METTL15: variants seen among roughly 807,000 people sequenced by gnomAD.
METTL15 encodes 12S rRNA N(4)-cytidine methyltransferase METTL15.
In METTL15, 34 loss-of-function variants were observed where a neutral mutation model predicts 38.3. The ratio of observed to expected loss-of-function variants is 0.89; its 90% CI spans 0.68 to 1.18. METTL15 has a LOEUF of 1.18. Ranked by LOEUF, METTL15 falls within the 50% of genes most tolerant of loss-of-function variation. METTL15 has a pLI of 0.00. For missense variants in METTL15, 438 were observed against 498.4 expected, an observed-to-expected ratio of 0.88 and a Z score of 1.15; for synonymous variants, 162 against 170.9, an observed-to-expected ratio of 0.95 and a Z score of 0.41.
chr11:28,299,327 T>TG (rs745794400), intron 6 of METTL15, among the ~76,000 whole-genome samples: 10 of 152,086 alleles, frequency 6.6e-5, no homozygotes, highest in Non-Finnish European at 1.3e-4. Flanking sequence ...ATTTTAGTCT[T>TG]TTATAATTGC....
intron 6 of METTL15, among the ~76,000 whole-genome samples, chr11:28,449,261 C>G (rs1455855106): frequency 6.6e-6 from 1 of 152,092 alleles, no homozygotes; most frequent in African/African-American, 2.4e-5. Context: ...AAATTTTTAG[C>G]TATAATGATA....
At chr11:28,431,790 T>TA (rs869087503) in intron 6 of METTL15, among the ~76,000 whole-genome samples, 7 of 71,456 alleles carry the variant, frequency 9.8e-5, no homozygotes, top group African/African-American at 4.1e-4. Flanking sequence ...AAAATAAATT[T>TA]AAAAAAAAAA....
chr11:28,298,828 T>A (rs1856823379), intron 6 of METTL15, among the ~76,000 whole-genome samples: 1 of 152,098 alleles, frequency 6.6e-6, no homozygotes, highest in Non-Finnish European at 1.5e-5. Context: ...ATAATATGAA[T>A]TTTTAGAAAA....
chr11:28,392,206 T>C (rs1188266314), intron 5 of METTL15, among the ~76,000 whole-genome samples: 1 of 151,898 alleles, frequency 6.6e-6, no homozygotes, highest in East Asian at 1.9e-4. Flanking sequence ...AAAAGACATA[T>C]GAAAAACAAT....
At chr11:28,350,931 C>A (rs1277812458) in intron 3 of METTL15, among the ~76,000 whole-genome samples, 1 of 152,122 alleles carries the variant, frequency 6.6e-6, no homozygotes, top group African/African-American at 2.4e-5. Context: ...TACCAAGCAA[C>A]TTTTCAGAGC....
chr11:28,217,029 C>T lies in METTL15; in HGVS notation c.407+5831C>T, dbSNP rs1385944862. On this transcript the variant is annotated intron_variant, in intron 4 of 6. Transcript: ENST00000407364. ...TAGTGCCACAATAAACATACGTGTG[C>T]ATGTGTCTTTATAGCAGCATGATTT... 2.6e-5 allele frequency among the ~76,000 whole-genome samples: 4 copies of T among 152,048 alleles called. No individual in the cohort carries two copies. In the East Asian group the frequency reaches 5.8e-4, roughly 22 times the overall value.
intron 3 of METTL15, among the ~76,000 whole-genome samples, chr11:28,185,706 C>G (rs1851468886): frequency 6.6e-6 from 1 of 150,990 alleles, no homozygotes; most frequent in South Asian, 2.1e-4. Context: ...AAGTCCCAGG[C>G]CAAAGCAAAG....
At chr11:28,211,742 T>A (rs1036699332) in intron 4 of METTL15, among the ~76,000 whole-genome samples, 1 of 152,048 alleles carries the variant, frequency 6.6e-6, no homozygotes, top group Non-Finnish European at 1.5e-5. Context: ...GGTAAAACCA[T>A]CTGCCTTTAA....
At chr11:28,198,965 A>G (rs1230873082) in intron 3 of METTL15, among the ~76,000 whole-genome samples, 1 of 147,788 alleles carries the variant, frequency 6.8e-6, no homozygotes, top group Non-Finnish European at 1.5e-5. Flanking sequence ...CAGGGGCATT[A>G]TGAACTCTTT....
At chr11:28,190,715 T>A (rs1053267847) in intron 3 of METTL15, among the ~76,000 whole-genome samples, 2 of 151,398 alleles carry the variant, frequency 1.3e-5, no homozygotes, top group East Asian at 3.9e-4. Flanking sequence ...GAATTAGGAA[T>A]GTATCGAAAC....
At chr11:28,407,162 TAACTC>T (rs1214226966) in intron 5 of METTL15, among the ~76,000 whole-genome samples, 1 of 152,008 alleles carries the variant, frequency 6.6e-6, no homozygotes, top group Non-Finnish European at 1.5e-5. Context: ...ATACAAAAAA[TAACTC>T]AAGATGGATT....
intron 5 of METTL15, among the ~76,000 whole-genome samples, chr11:28,380,685 G>T (rs543133904): frequency 2.6e-5 from 4 of 152,056 alleles, no homozygotes; most frequent in Non-Finnish European, 5.9e-5. Context: ...CTTATTAAAA[G>T]CATCTTATTG....
At chr11:28,456,083 A>G (rs1484566297) in intron 6 of METTL15, among the ~76,000 whole-genome samples, 1 of 151,978 alleles carries the variant, frequency 6.6e-6, no homozygotes, top group Non-Finnish European at 1.5e-5. Context: ...ATAGTTCACT[A>G]TAACCTCAAA....
intron 4 of METTL15, among the ~76,000 whole-genome samples, chr11:28,264,003 C>G (rs1218563740): frequency 2.0e-5 from 3 of 152,070 alleles, no homozygotes; most frequent in South Asian, 2.1e-4. Context: ...TAGCATTTAA[C>G]TTTGTACACC....
At chr11:28,391,203 T>G (rs1226617793) in intron 5 of METTL15, among the ~76,000 whole-genome samples, 1 of 152,086 alleles carries the variant, frequency 6.6e-6, no homozygotes, top group Non-Finnish European at 1.5e-5. Context: ...CCTCTTTTCC[T>G]AATTGAATAC....
intron 4 of METTL15, among the ~76,000 whole-genome samples, chr11:28,263,532 A>G (rs1241714891): frequency 6.6e-6 from 1 of 152,056 alleles, no homozygotes; most frequent in Non-Finnish European, 1.5e-5. Context: ...GTGTCTGTGA[A>G]TTTTGAAACA....
At chr11:28,116,667 C>T (rs16917748) in intron 3 of METTL15, among the ~76,000 whole-genome samples, 23,277 of 152,186 alleles carry the variant, frequency 0.15, 1,932 homozygotes, top group East Asian at 0.28. Flanking sequence ...ATCAGTGATA[C>T]GATGTGGGTT....
chr11:28,478,092 T>A (rs1851362358), intron 6 of METTL15, among the ~76,000 whole-genome samples: 1 of 152,204 alleles, frequency 6.6e-6, no homozygotes, highest in African/African-American at 2.4e-5. Flanking sequence ...AACTTTATTT[T>A]ATATTTTATT....
In METTL15 at chr11:28,330,577, C is replaced by T. The variant is rs1014055051; in HGVS notation, c.960C>T (p.Ser320=). The part of the protein sequence containing the change: ...LRPGGRLVAL[S]FHSLEDRIVK... The stretch of plus-strand genomic sequence containing the variant: ...CTGGTGGTCGTCTTGTTGCCCTCTC[C>T]TTCCATTCACTAGAGGATCGCATCG... The change falls in exon 7 of 7, where the codon TCC becomes TCT. Residue 320 remains serine (S), a synonymous_variant. Coordinates refer to ENST00000407364, the MANE Select transcript of METTL15 (RefSeq NM_001113528.2). The T allele has an allele frequency of 5.8e-6, 9 of 1,551,504 alleles. No individual in the cohort carries two copies. The highest frequency in any genetic ancestry group is 2.0e-5 in the Admixed American group (1 of 50,974).
Sources: gnomAD v4.1 joint callset for allele counts (sites outside exome capture counted in the v4.1 genomes callset) on GRCh38, gnomAD v4.1.1 for gene constraint, MANE v1.5 for transcripts, NCBI Gene and HGNC (gene_info 2026-07-23, HGNC 2026-07-21) for gene names.